Variants in MAMDC4 observed in about 807,000 individuals in gnomAD.
The protein encoded by MAMDC4 is apical endosomal glycoprotein.
In MAMDC4, 168 loss-of-function variants were observed where a neutral mutation model predicts 153.3. The observed-to-expected ratio is 1.10, with a 90% CI of 0.97 to 1.25. The LOEUF (loss-of-function observed/expected upper bound fraction) is 1.25, where lower values mean the gene tolerates loss of function less well. MAMDC4 is among the 50% of genes most tolerant of loss of function. The pLI is 0.00. For synonymous variants in MAMDC4, 744 were observed against 651.5 expected, an observed-to-expected ratio of 1.14 and a Z score of -2.16; for missense variants, 1,701 against 1,542.8, an observed-to-expected ratio of 1.10 and a Z score of -1.72.
chr9:136,854,541 C>T lies in MAMDC4; in HGVS notation c.799C>T (p.Arg267Cys), dbSNP rs779824193. Residue 267 changes from arginine to cysteine, a missense_variant and splice_region_variant, in exon 8 of 27, where the codon CGC becomes TGC. Arg to Cys is a radical substitution (Grantham distance 180, BLOSUM62 -3). Coordinates refer to ENST00000317446, the MANE Select transcript of MAMDC4 (RefSeq NM_206920.3). ...GACACGCCCACCTCCTGCCCTAGGC[C>T]GCCACATAGCCACCGACTTTGAGAC... ...LSDENPLTCG[R>C]HIATDFETGL... 48 of 1,603,770 alleles carry T rather than the reference C, an allele frequency of 3.0e-5. No homozygotes were observed. The highest frequency in any genetic ancestry group is 1.7e-4 in the South Asian group (15 of 89,812).
intron 26 of MAMDC4, among the ~76,000 whole-genome samples, 186 bp from the exon 27 acceptor site, chr9:136,860,376 C>T (rs775991807): frequency 5.9e-5 from 9 of 152,200 alleles, no homozygotes; most frequent in Non-Finnish European, 1.3e-4. Context: ...AAAAAATTAG[C>T]TGGGTATGGT....
chr9:136,860,131 G>A, intron 26 of MAMDC4, 67 bp downstream of exon 26: 1 of 1,466,936 alleles, frequency 6.8e-7, no homozygotes. Flanking sequence ...AGGGCGGGCA[G>A]TGGCGGGACA....
In MAMDC4 at chr9:136,858,207, G is replaced by A. The variant is rs529080884; in HGVS notation, c.2605G>A (p.Ala869Thr). The A allele has an allele frequency of 7.0e-5, 111 of 1,595,742 alleles. 1 individual carries two copies. The highest frequency in any genetic ancestry group is 8.6e-5 in the Non-Finnish European group (101 of 1,175,628). Residue 869 changes from alanine to threonine, a missense_variant, in exon 21 of 27, where the codon GCA becomes ACA. Transcript: ENST00000317446. ...AWRVVFEAVA[A>T]GVAHSYVALD... ...CCAGGTGGTGTTTGAGGCAGTGGCCGCAGGCGTGGCACACTCCTACGTGGC... is the reference window on the plus strand; with the variant it reads ...CCAGGTGGTGTTTGAGGCAGTGGCCACAGGCGTGGCACACTCCTACGTGGC...
intron 26 of MAMDC4, 139 bp downstream of exon 26, chr9:136,860,203 TC>T (rs1278063931): frequency 9.7e-7 from 1 of 1,032,630 alleles, no homozygotes; most frequent in Non-Finnish European, 1.4e-6. Context: ...CTGCCCTGCC[TC>T]TCCCAGCCAC....
Position 136,853,597 on chromosome 9 carries a change from C to T in MAMDC4, c.381C>T (p.Ala127=), listed in dbSNP as rs985980335. ...GAGGGAAAGAGGCATCCACCGCAGC[C>T]CTGCGCTCGCCAACCCTGCGAGAGG... The part of the protein sequence containing the change: ...THRGKEASTA[A]LRSPTLREAA... Residue 127 remains alanine, a synonymous_variant, in exon 4 of 27, where the codon GCC becomes GCT. Transcript: ENST00000317446. 1.2e-6 allele frequency: 2 copies of T among 1,612,570 alleles called. No individual in the cohort carries two copies. The highest frequency in any genetic ancestry group is 1.7e-6 in the Non-Finnish European group (2 of 1,179,908).
chr9:136,853,953 T>G, intron 5 of MAMDC4, 39 bp from the exon 6 acceptor site: 1 of 1,612,740 alleles, frequency 6.2e-7, no homozygotes, highest in South Asian at 1.1e-5. Flanking sequence ...AGGAGGGGTC[T>G]GGGCCCTGAC....
chr9:136,859,976 G>A lies in MAMDC4; in HGVS notation c.3284G>A (p.Arg1095Gln), dbSNP rs149321697. The A allele has an allele frequency of 2.5e-5, 40 of 1,612,764 alleles. No individual in the cohort carries two copies. The highest frequency in any genetic ancestry group is 1.7e-4 in the Middle Eastern group (1 of 6,036). Reference protein sequence around the residue: ...MLLVLLGLGGRRWLQKKGSCP... With the variant: ...MLLVLLGLGGQRWLQKKGSCP... ...CTGGTGCTGCTGGGACTTGGGGGAC[G>A]GCGCTGGCTGCAGAAGAAGGGGAGC... The change falls in exon 26 of 27, where the codon CGG becomes CAG. Residue 1095 changes from arginine (R) to glutamine (Q), a missense_variant. Coordinates refer to ENST00000317446, the MANE Select transcript of MAMDC4 (RefSeq NM_206920.3).
intron 1 of MAMDC4, 139 bp downstream of exon 1, chr9:136,852,601 G>T (rs935628393): frequency 6.4e-6 from 7 of 1,089,048 alleles, no homozygotes; most frequent in African/African-American, 3.1e-5. Flanking sequence ...TACCTTGGCC[G>T]GCCTGCAAGG....
chr9:136,853,826 C>A lies in MAMDC4; in HGVS notation c.504C>A (p.Thr168=), dbSNP rs779519432. 7 of 1,560,786 alleles carry A rather than the reference C, an allele frequency of 4.5e-6. No homozygotes were observed. The highest frequency in any genetic ancestry group is 6.2e-6 in the Non-Finnish European group (7 of 1,134,934). ...VELTHGAETL[T]LWQSTGPWGP... ...TGACCCATGGCGCAGAGACCCTGAC[C>A]CTGTGGCAGAGCACAGGGCCCTGGG... Residue 168 remains threonine (T), a synonymous_variant, in exon 5 of 27, where the codon ACC becomes ACA. Transcript: ENST00000317446.
rs1481088688 is a variant in MAMDC4, at chr9:136,859,935, C to G, written c.3243C>G (p.Leu1081=). 1 of 1,612,896 alleles carries G rather than the reference C, an allele frequency of 6.2e-7. No homozygotes were observed. Among genetic ancestry groups the G allele is most frequent in the Admixed American group, 1.7e-5 (1 of 60,012 alleles). ...TGCCAGCTGTGGTTGGCAGTGCCCT[C>G]CTATTGCTCATGCTCCTGGTGCTGC... ...GSVPAVVGSA[L]LLLMLLVLLG... Residue 1081 remains leucine, a synonymous_variant, in exon 26 of 27, where the codon CTC becomes CTG. Transcript: ENST00000317446.
At position 136,856,942 on chromosome 9, in the gene MAMDC4, G is replaced by T; in HGVS notation, c.1873G>T (p.Ala625Ser). ...FVLLDPTDPL[A>S]WGHSAHLLSR... ...GCTCCTGGACCCCACAGACCCCCTG[G>T]CCTGGGGCCACAGTGCCCACCTGCT... The change falls in exon 16 of 27, where the codon GCC becomes TCC. Residue 625 changes from alanine to serine, a missense_variant. Coordinates refer to ENST00000317446, the MANE Select transcript of MAMDC4 (RefSeq NM_206920.3). The T allele has an allele frequency of 6.2e-7, 1 of 1,611,288 alleles. No homozygotes were observed. Among genetic ancestry groups the T allele is most frequent in the Non-Finnish European group, 8.5e-7 (1 of 1,178,888 alleles).
In MAMDC4 at chr9:136,854,595, G is replaced by A. The variant is rs372285208; in HGVS notation, c.853G>A (p.Gly285Ser). 1.2e-4 allele frequency: 185 copies of A among 1,607,770 alleles called. No homozygotes were observed. Among genetic ancestry groups the A allele is most frequent in the Non-Finnish European group, 1.5e-4 (175 of 1,177,974 alleles). ...TGLGPWNRSE[G>S]WSRNHRAGGP... ...CCTGGGCCCATGGAACCGCTCGGAA[G>A]GCTGGTCCCGGAACCACCGCGCTGG... is the stretch of plus-strand genomic sequence containing the variant. The change falls in exon 8 of 27, where the codon GGC becomes AGC. Residue 285 changes from glycine (G) to serine (S), a missense_variant. Physicochemically the swap from Gly to Ser is moderately conservative, Grantham distance 56 (BLOSUM62 0). Transcript: ENST00000317446.
At position 136,857,005 on chromosome 9, in the gene MAMDC4, C is replaced by T; in HGVS notation, c.1936C>T (p.Leu646Phe). ...PQVPAAPTEC[L>F]SFWYHLHGPQ... ...GGTGCCAGCAGCACCCACGGAGTGT[C>T]TCAGCTTCTGGTACCACCTCCATGG... is the stretch of plus-strand genomic sequence containing the variant. Residue 646 changes from leucine (L) to phenylalanine (F), a missense_variant, in exon 16 of 27, where the codon CTC (leucine) becomes TTC (phenylalanine). Physicochemically the swap from Leu to Phe is conservative, Grantham distance 22. Transcript: ENST00000317446. 6.2e-7 allele frequency: 1 copy of T among 1,612,472 alleles called. No individual in the cohort carries two copies. Among genetic ancestry groups the T allele is most frequent in the Non-Finnish European group, 8.5e-7 (1 of 1,179,758 alleles).
In MAMDC4 at chr9:136,857,544, G is replaced by A. The variant is rs765868600; in HGVS notation, c.2284G>A (p.Ala762Thr). 3 of 1,611,796 alleles carry A rather than the reference G, an allele frequency of 1.9e-6. No individual in the cohort carries two copies. Among genetic ancestry groups the A allele is most frequent in the Non-Finnish European group, 1.7e-6 (2 of 1,179,960 alleles). ...RRQANASGHA[A>T]WGPPTDHTTE... ...GCAGGCCAATGCCTCGGGCCATGCT[G>A]CCTGGGGCCCCCCAACAGACCATAC... The change falls in exon 18 of 27, where the codon GCC (alanine) becomes ACC (threonine). Residue 762 changes from alanine to threonine, a missense_variant. By Grantham distance (58) the Ala-to-Thr change is moderately conservative (BLOSUM62 0). Transcript: ENST00000317446.
intron 19 of MAMDC4, 71 bp downstream of exon 19, chr9:136,857,867 C>A: frequency 6.5e-7 from 1 of 1,539,008 alleles, no homozygotes. Context: ...CAGCCTTGTG[C>A]TGAGGCCACT....
At chr9:136,856,351 C>T in intron 14 of MAMDC4, 2 of 965,708 alleles carry the variant, frequency 2.1e-6, no homozygotes, top group Non-Finnish European at 1.7e-6. Context: ...TGGACAAGGT[C>T]CTTCTAGGGG....
At position 136,859,998 on chromosome 9, in the gene MAMDC4, G is replaced by A. The variant is rs1420786713; in HGVS notation, c.3306G>A (p.Gly1102=). 1.9e-6 allele frequency: 3 copies of A among 1,612,216 alleles called. No homozygotes were observed. Among genetic ancestry groups the A allele is most frequent in the South Asian group, 1.1e-5 (1 of 90,916 alleles). ...LGGRRWLQKK[G]SCPFQSNTEA... is the part of the protein sequence containing the mutation. Reference sequence around the variant, plus strand: ...GACGGCGCTGGCTGCAGAAGAAGGGGAGCTGCCCCTTCCAGAGCAACACAG... The same window carrying A: ...GACGGCGCTGGCTGCAGAAGAAGGGAAGCTGCCCCTTCCAGAGCAACACAG... Residue 1102 remains glycine (G), a synonymous_variant, in exon 26 of 27, where the codon GGG becomes GGA. Transcript: ENST00000317446.
chr9:136,854,575 G>A lies in MAMDC4; in HGVS notation c.833G>A (p.Gly278Asp). The change falls in exon 8 of 27, where the codon GGC becomes GAC. Residue 278 changes from glycine (G) to aspartate (D), a missense_variant. Transcript: ENST00000317446. ...GCCACCGACTTTGAGACAGGCCTGGGCCCATGGAACCGCTCGGAAGGCTGG... is the reference window on the plus strand; with the variant it reads ...GCCACCGACTTTGAGACAGGCCTGGACCCATGGAACCGCTCGGAAGGCTGG... Reference protein sequence around the residue: ...HIATDFETGLGPWNRSEGWSR... With the variant: ...HIATDFETGLDPWNRSEGWSR... 4.4e-6 allele frequency: 7 copies of A among 1,607,576 alleles called. No homozygotes were observed. Among genetic ancestry groups the A allele is most frequent in the Non-Finnish European group, 5.9e-6 (7 of 1,178,016 alleles).
chr9:136,855,182 C>T, intron 10 of MAMDC4, 72 bp downstream of exon 10: 1 of 1,576,184 alleles, frequency 6.3e-7, no homozygotes, highest in Non-Finnish European at 8.6e-7. Flanking sequence ...ACAAGGTACC[C>T]ACTGCGGGTG....
Sources: gnomAD v4.1 joint callset for allele counts (sites outside exome capture counted in the v4.1 genomes callset) on GRCh38, gnomAD v4.1.1 for gene constraint, MANE v1.5 for transcripts, NCBI Gene and HGNC (gene_info 2026-07-23, HGNC 2026-07-21) for gene names.